ACOXL: variants seen among roughly 807,000 people sequenced by gnomAD.
ACOXL encodes acyl-coenzyme A oxidase-like protein.
Under a neutral mutation model 71.9 loss-of-function variants are expected in ACOXL, and 70 were observed. The observed-to-expected ratio is 0.97, with a 90% CI of 0.80 to 1.19. ACOXL has a LOEUF of 1.19. ACOXL is among the 50% of genes most tolerant of loss of function. The probability of loss-of-function intolerance (pLI) is 0.00; values close to 1 mark genes in which losing one functional copy is unlikely to be tolerated. For missense variants in ACOXL, 703 were observed against 736.3 expected (o/e 0.95, Z 0.52); for synonymous variants, 253 against 281.6 (o/e 0.90, Z 1.02).
intron 10 of ACOXL, among the ~76,000 whole-genome samples, chr2:110,847,950 CTT>C (rs1692120113): frequency 6.6e-6 from 1 of 152,286 alleles, no homozygotes; most frequent in East Asian, 1.9e-4. Context: ...GGGTTGTGTA[CTT>C]TTGTGTTCTG....
intron 12 of ACOXL, among the ~76,000 whole-genome samples, chr2:110,964,239 A>C (rs2061832217): frequency 6.6e-6 from 1 of 152,198 alleles, no homozygotes; most frequent in Non-Finnish European, 1.5e-5. Flanking sequence ...CCTGAAATAC[A>C]GGAAACTTTA....
At chr2:110,891,192 T>C (rs1697893871) in intron 10 of ACOXL, among the ~76,000 whole-genome samples, 1 of 152,136 alleles carries the variant, frequency 6.6e-6, no homozygotes, top group African/African-American at 2.4e-5. Flanking sequence ...ATTTTCTATA[T>C]ACAAGATCAT....
At chr2:110,831,379 A>G (rs557570758) in intron 9 of ACOXL, among the ~76,000 whole-genome samples, 15 of 152,378 alleles carry the variant, frequency 9.8e-5, no homozygotes, top group African/African-American at 3.6e-4. Context: ...CAAAAAATAC[A>G]TATAATGAAC....
chr2:111,114,638 T>C (rs1574806261), intron 17 of ACOXL, among the ~76,000 whole-genome samples: 2 of 152,094 alleles, frequency 1.3e-5, no homozygotes, highest in East Asian at 3.8e-4. Flanking sequence ...TCCCTCCAAG[T>C]GTACTGGGCA....
chr2:111,080,693 C>A (rs75389699), intron 16 of ACOXL, among the ~76,000 whole-genome samples: 1 of 152,094 alleles, frequency 6.6e-6, no homozygotes, highest in Admixed American at 6.6e-5. Context: ...ATCCTGATAC[C>A]AAAACCTGGC....
chr2:110,848,216 A>C (rs1446050405), intron 10 of ACOXL, among the ~76,000 whole-genome samples: 1 of 152,340 alleles, frequency 6.6e-6, no homozygotes, highest in Non-Finnish European at 1.5e-5. Context: ...TGTAAAAATA[A>C]ACAAAAATGC....
chr2:110,864,555 A>G (rs1195885642), intron 10 of ACOXL, among the ~76,000 whole-genome samples: 2 of 152,242 alleles, frequency 1.3e-5, no homozygotes, highest in African/African-American at 2.4e-5. Context: ...CTAAGGGCGT[A>G]TAAGCTTTCT....
intron 10 of ACOXL, among the ~76,000 whole-genome samples, chr2:110,846,641 G>GCACACACACACACACACACACA (rs61028803): frequency 0.025 from 3,394 of 137,818 alleles, 91 homozygotes; most frequent in South Asian, 0.055. Flanking sequence ...ATGCATACAC[G>GCACACACACACACACACACACA]CACACACACA....
chr2:111,070,845 C>T (rs1321223166), intron 16 of ACOXL, among the ~76,000 whole-genome samples: 1 of 152,068 alleles, frequency 6.6e-6, no homozygotes, highest in East Asian at 1.9e-4. Flanking sequence ...CTGTCTGTGG[C>T]CTGTTCCTGC....
At position 111,027,390 on chromosome 2, in the gene ACOXL, C is replaced by T. The variant is rs191447125; in HGVS notation, c.1282-4237C>T. 2.2e-3 allele frequency among the ~76,000 whole-genome samples: 332 copies of T among 151,376 alleles called. 1 individual carries two copies. Among genetic ancestry groups the T allele is most frequent in the African/African-American group, 7.5e-3 (309 of 41,200 alleles). On this transcript the variant is annotated intron_variant, in intron 14 of 17. Transcript: ENST00000439055. ...AGGCTGGAGTGCAGTGCCATGATCTCGGCTCACTACAACCTCCACCTCCTG... is the reference window on the plus strand; with the variant it reads ...AGGCTGGAGTGCAGTGCCATGATCTTGGCTCACTACAACCTCCACCTCCTG...
chr2:111,094,108 T>C (rs979740711), intron 17 of ACOXL: 3 of 152,306 alleles, frequency 2.0e-5, no homozygotes, highest in African/African-American at 7.2e-5. Flanking sequence ...GTGAGGACGA[T>C]CATAGACATG....
rs78129289 is a variant in ACOXL, at chr2:110,986,468, G to A, written c.1060-640G>A. 4.9e-4 allele frequency among the ~76,000 whole-genome samples: 75 copies of A among 152,294 alleles called. No individual in the cohort carries two copies. In the East Asian group the frequency reaches 0.012, roughly 23 times the overall value. ...CTGCTGGTCTTCCCTGGGCTCACTC[G>A]TGCTGTGGCAGCAGCATGTCGGGGC... On this transcript the variant is annotated intron_variant, in intron 12 of 17. Transcript: ENST00000439055.
chr2:110,806,536 C>G (rs999313342), intron 9 of ACOXL, among the ~76,000 whole-genome samples: 11 of 152,056 alleles, frequency 7.2e-5, no homozygotes, highest in African/African-American at 2.4e-4. Flanking sequence ...CAGCCATCCT[C>G]AGGACTCCAG....
chr2:110,888,938 G>C (rs546481922), intron 10 of ACOXL, among the ~76,000 whole-genome samples: 56 of 152,316 alleles, frequency 3.7e-4, no homozygotes, highest in African/African-American at 1.3e-3. Flanking sequence ...AGTTAGGAGA[G>C]CAAACCTGTC....
chr2:110,921,101 T>C (rs1242645709), intron 11 of ACOXL, among the ~76,000 whole-genome samples: 1 of 152,102 alleles, frequency 6.6e-6, no homozygotes, highest in African/African-American at 2.4e-5. Context: ...TAGTGTTGGT[T>C]GTAACATTCC....
intron 11 of ACOXL, among the ~76,000 whole-genome samples, chr2:110,914,121 T>C (rs1000829674): frequency 6.6e-6 from 1 of 152,162 alleles, no homozygotes; most frequent in Non-Finnish European, 1.5e-5. Context: ...CACTGAATTG[T>C]ACACTTGAAA....
chr2:110,866,111 C>T (rs974103160), intron 10 of ACOXL, among the ~76,000 whole-genome samples: 5 of 152,172 alleles, frequency 3.3e-5, no homozygotes, highest in African/African-American at 7.2e-5. Flanking sequence ...ACTGCTGGAG[C>T]GTCCAGGCCT....
chr2:110,752,154 A>C (rs1173830726), intron 1 of ACOXL, among the ~76,000 whole-genome samples: 1 of 151,890 alleles, frequency 6.6e-6, no homozygotes, highest in Admixed American at 6.6e-5. Context: ...GACTACAGGC[A>C]TGTGCCACCA....
chr2:110,741,573 C>CA (rs1365690638), intron 1 of ACOXL, among the ~76,000 whole-genome samples: 1 of 152,128 alleles, frequency 6.6e-6, no homozygotes, highest in Non-Finnish European at 1.5e-5. Flanking sequence ...GTGTATAAAA[C>CA]AGAGTTTTAT....
Sources: gnomAD v4.1 joint callset for allele counts (sites outside exome capture counted in the v4.1 genomes callset) on GRCh38, gnomAD v4.1.1 for gene constraint, MANE v1.5 for transcripts, NCBI Gene and HGNC (gene_info 2026-07-23, HGNC 2026-07-21) for gene names.